Variants in DNAI1 observed in about 807,000 individuals in gnomAD.
DNAI1 encodes dynein axonemal intermediate chain 1, also known as dynein, axonemal, intermediate polypeptide 1.
A neutral mutation model predicts 92.0 loss-of-function variants in DNAI1; 67 were observed. The ratio of observed to expected loss-of-function variants is 0.73; its 90% CI spans 0.60 to 0.89. The LOEUF (loss-of-function observed/expected upper bound fraction) is 0.89. DNAI1 is among the 40% of genes least tolerant of loss of function. The probability of loss-of-function intolerance (pLI) is 0.00; values close to 1 mark genes in which losing one functional copy is unlikely to be tolerated. For missense variants in DNAI1, 839 were observed against 866.6 expected (o/e 0.97, Z 0.40); for synonymous variants, 323 against 319.6 (o/e 1.01, Z -0.11).
chr9:34,502,693 T>C (rs1824854999), intron 12 of DNAI1, among the ~76,000 whole-genome samples: 1 of 151,982 alleles, frequency 6.6e-6, no homozygotes, highest in Non-Finnish European at 1.5e-5. Context: ...GCAATGTCCT[T>C]TGGGCAGGCA....
rs543973891 is a variant in DNAI1 at position 34,461,684 on chromosome 9, G to A, written c.48+2631G>A. ...CCCGTACACATCAGCACTGCCCCAT[G>A]GAGGGAAGGGTTGTTTTAGTTCAGA... On this transcript the variant is annotated intron_variant, in intron 1 of 19. Coordinates refer to ENST00000242317, the MANE Select transcript of DNAI1 (RefSeq NM_012144.4). 2.6e-4 allele frequency among the ~76,000 whole-genome samples: 39 copies of A among 152,344 alleles called. 2 individuals carry two copies. The East Asian group carries it at 6.9e-3, about 27-fold the overall frequency.
In DNAI1 at chr9:34,514,715, C is replaced by T. The variant is rs201746512; in HGVS notation, c.1794C>T (p.Phe598=). 26 of 1,614,054 alleles carry T rather than the reference C, an allele frequency of 1.6e-5. No individual in the cohort carries two copies. The highest frequency in any genetic ancestry group is 2.2e-5 in the East Asian group (1 of 44,888). The change falls in exon 18 of 20, where the codon TTC becomes TTT. Residue 598 remains phenylalanine (F), a synonymous_variant. Coordinates refer to ENST00000242317, the MANE Select transcript of DNAI1 (RefSeq NM_012144.4). The part of the protein sequence containing the change: ...VAWAPYSSTV[F]AAVTTDGKAH... The stretch of plus-strand genomic sequence containing the variant: ...GGGCGCCATACTCTTCTACTGTGTT[C>T]GCAGCAGTCACCACAGATGGGAAGG...
At chr9:34,488,038 T>G in intron 4 of DNAI1, 1 of 381,804 alleles carries the variant, frequency 2.6e-6, no homozygotes, top group Non-Finnish European at 5.2e-6. Flanking sequence ...CAAATGAAAC[T>G]GTAAGGGTAA....
chr9:34,512,417 C>G lies in DNAI1; in HGVS notation c.1482C>G (p.His494Gln). 1 of 1,614,048 alleles carries G rather than the reference C, an allele frequency of 6.2e-7. No individual in the cohort carries two copies. The highest frequency in any genetic ancestry group is 8.5e-7 in the Non-Finnish European group (1 of 1,179,924). The change falls in exon 15 of 20, where the codon CAC becomes CAG. Residue 494 changes from histidine to glutamine, a missense_variant. By Grantham distance (24) the His-to-Gln change is conservative (BLOSUM62 0). Transcript: ENST00000242317. Reference protein sequence around the residue: ...TTEVPEGLQLHPVGCGTAFDF... With the variant: ...TTEVPEGLQLQPVGCGTAFDF... ...AAGTTCCTGAGGGGTTGCAGCTGCA[C>G]CCAGTGGGTAGGAGCCCCAGCCCTC...
At chr9:34,497,835 C>T (rs981368785) in intron 10 of DNAI1, among the ~76,000 whole-genome samples, 1 of 152,144 alleles carries the variant, frequency 6.6e-6, no homozygotes, top group African/African-American at 2.4e-5. Context: ...AGTGTCTTGG[C>T]AGTGAAACCG....
intron 1 of DNAI1, among the ~76,000 whole-genome samples, chr9:34,464,351 T>C (rs1370159675): frequency 6.6e-6 from 1 of 152,206 alleles, no homozygotes; most frequent in Non-Finnish European, 1.5e-5. Context: ...TGAATGGGCC[T>C]GAGACCTACC....
intron 15 of DNAI1, 152 bp downstream of exon 15, chr9:34,512,576 G>C: frequency 1.3e-6 from 1 of 774,772 alleles, no homozygotes; most frequent in East Asian, 2.7e-5. Context: ...GGCCCTGTCT[G>C]CTGAACCCTT....
chr9:34,474,654 C>T (rs535284241), intron 1 of DNAI1, among the ~76,000 whole-genome samples: 7 of 149,926 alleles, frequency 4.7e-5, no homozygotes, highest in African/African-American at 1.2e-4. Context: ...CTGCAACCTC[C>T]GCCTCCCGGG....
intron 8 of DNAI1, among the ~76,000 whole-genome samples, chr9:34,492,976 T>A (rs745467727): frequency 6.6e-6 from 1 of 152,148 alleles, no homozygotes; most frequent in Non-Finnish European, 1.5e-5. Flanking sequence ...TCAGGGTATG[T>A]AAGCCCAGCC....
intron 4 of DNAI1, 62 bp from the exon 5 acceptor site, chr9:34,489,261 A>G (rs1284744665): frequency 1.9e-6 from 3 of 1,593,848 alleles, no homozygotes; most frequent in Admixed American, 3.3e-5. Context: ...ATGAAAGCAG[A>G]TTACATTTTG....
At chr9:34,477,388 T>C (rs570581592) in intron 1 of DNAI1, among the ~76,000 whole-genome samples, 19 of 152,282 alleles carry the variant, frequency 1.2e-4, no homozygotes, top group African/African-American at 4.6e-4. Flanking sequence ...GTTTTCTCAT[T>C]TGTAAAGTAG....
chr9:34,497,304 C>T (rs548165069), intron 10 of DNAI1, 105 bp downstream of exon 10: 135 of 863,350 alleles, frequency 1.6e-4, no homozygotes, highest in Non-Finnish European at 2.1e-4. Context: ...TAGGTGCAAG[C>T]GGAGAAAAAA....
intron 1 of DNAI1, among the ~76,000 whole-genome samples, chr9:34,465,657 A>C (rs946575099): frequency 6.6e-6 from 1 of 152,198 alleles, no homozygotes; most frequent in African/African-American, 2.4e-5. Context: ...CATTGTTAGC[A>C]CTCAGTACAT....
intron 1 of DNAI1, among the ~76,000 whole-genome samples, chr9:34,477,639 A>G (rs1381993947): frequency 6.6e-6 from 1 of 152,190 alleles, no homozygotes; most frequent in Non-Finnish European, 1.5e-5. Context: ...TAGAATTGTT[A>G]GGCTTTGAAA....
chr9:34,509,058 T>C (rs887356284), intron 13 of DNAI1, among the ~76,000 whole-genome samples: 6 of 152,202 alleles, frequency 3.9e-5, no homozygotes, highest in Admixed American at 3.9e-4. Flanking sequence ...GGTTGATCTC[T>C]GGAGTTCCTA....
Position 34,490,010 on chromosome 9 carries a change from A to C in DNAI1, c.389-2A>C. 1 of 1,614,082 alleles carries C rather than the reference A, an allele frequency of 6.2e-7. No individual in the cohort carries two copies. The highest frequency in any genetic ancestry group is 1.1e-5 in the South Asian group (1 of 91,048). On this transcript the variant is annotated splice_acceptor_variant, in intron 5 of 19. Transcript: ENST00000242317. LOFTEE classifies it high-confidence loss of function. ...TGAACTCATTGGCAGTATCCTACCA[A>C]GGTTCTCAGGAGTCTGTCAAGGTGA... is the stretch of plus-strand genomic sequence containing the variant.
chr9:34,472,277 T>C (rs999475970), intron 1 of DNAI1, among the ~76,000 whole-genome samples: 2 of 152,242 alleles, frequency 1.3e-5, no homozygotes, highest in African/African-American at 2.4e-5. Context: ...CCCTTACAGA[T>C]GCAGAAATGA....
chr9:34,483,580 AAAG>A lies in DNAI1; in HGVS notation c.81+106_81+108del, dbSNP rs1564030997. Reference sequence around the variant, plus strand: ...GTTTTTAGAAAATGCAAATGAACTAAAAGAAGAATGTTAAAATCACCCTTAAAC... The same window carrying A: ...GTTTTTAGAAAATGCAAATGAACTAAAAGAATGTTAAAATCACCCTTAAAC... On this transcript the variant is annotated intron_variant, in intron 2 of 19. Transcript: ENST00000242317. 4.1e-6 allele frequency: 5 copies of A among 1,205,796 alleles called. No individual in the cohort carries two copies. In the African/African-American group the frequency reaches 6.0e-5, roughly 15 times the overall value. The allele number at this position is 1,205,796 out of a possible 1,614,324, so 74.7% of individuals were successfully genotyped here. A position where few individuals can be genotyped will look rare whatever the true frequency, so the allele number is the denominator to read the frequency against.
intron 13 of DNAI1, among the ~76,000 whole-genome samples, chr9:34,509,159 G>A (rs1008565385): frequency 1.3e-5 from 2 of 152,162 alleles, no homozygotes. Flanking sequence ...CACCCACACT[G>A]TCCTGGGTGG....
Sources: gnomAD v4.1 joint callset for allele counts (sites outside exome capture counted in the v4.1 genomes callset) on GRCh38, gnomAD v4.1.1 for gene constraint, MANE v1.5 for transcripts, NCBI Gene and HGNC (gene_info 2026-07-23, HGNC 2026-07-21) for gene names.